SLC10A7: variants seen among roughly 807,000 people sequenced by gnomAD.
The protein encoded by SLC10A7 is solute carrier family 10 member 7.
In SLC10A7, 29 loss-of-function variants were observed where a neutral mutation model predicts 43.2. The ratio of observed to expected loss-of-function variants is 0.67; its 90% CI spans 0.50 to 0.92. SLC10A7 has a LOEUF of 0.92. SLC10A7 is among the 40% of genes least tolerant of loss of function. The pLI, the probability that SLC10A7 is intolerant of heterozygous loss-of-function variation, is 0.00. For missense variants in SLC10A7, 295 were observed against 403.2 expected, an observed-to-expected ratio of 0.73 and a Z score of 2.30; for synonymous variants, 152 against 144.8, an observed-to-expected ratio of 1.05 and a Z score of -0.35.
chr4:146,503,759 A>G, intron 4 of SLC10A7, 90 bp downstream of exon 4: 1 of 1,232,894 alleles, frequency 8.1e-7, no homozygotes, highest in Non-Finnish European at 1.2e-6. Flanking sequence ...TTTCTGCAAC[A>G]TCAACCCTTC....
intron 8 of SLC10A7, among the ~76,000 whole-genome samples, chr4:146,293,187 A>G (rs953452915): frequency 6.6e-6 from 1 of 152,218 alleles, no homozygotes; most frequent in African/African-American, 2.4e-5. Context: ...CCCCAGAAAC[A>G]GTCTTTGTTA....
chr4:146,451,231 C>CAAAAAAAAAAAAAAAAAAAAAAAA (rs572993886), intron 4 of SLC10A7, among the ~76,000 whole-genome samples: 2 of 71,692 alleles, frequency 2.8e-5, no homozygotes, highest in Non-Finnish European at 5.5e-5. Flanking sequence ...AGTCTCCCAC[C>CAAAAAAAAAAAAAAAAAAAAAAAA]AAAAAAAAAA....
intron 5 of SLC10A7, among the ~76,000 whole-genome samples, chr4:146,367,248 C>CA (rs1454932611): frequency 1.3e-5 from 2 of 151,706 alleles, no homozygotes; most frequent in Admixed American, 6.6e-5. Context: ...CAAAAGGAAA[C>CA]AAAAAAATCT....
chr4:146,328,214 C>T (rs1429739640), intron 5 of SLC10A7, among the ~76,000 whole-genome samples: 2 of 151,148 alleles, frequency 1.3e-5, no homozygotes, highest in African/African-American at 2.4e-5. Flanking sequence ...TTAACCCATC[C>T]CTCCCACCAG....
At chr4:146,269,228 T>G (rs775675239) in intron 10 of SLC10A7, among the ~76,000 whole-genome samples, 1 of 152,192 alleles carries the variant, frequency 6.6e-6, no homozygotes, top group Admixed American at 6.5e-5. Flanking sequence ...ACTCACCAGG[T>G]GCTGACAATG....
At chr4:146,342,985 G>A (rs761539819) in intron 5 of SLC10A7, among the ~76,000 whole-genome samples, 3 of 151,656 alleles carry the variant, frequency 2.0e-5, no homozygotes, top group Non-Finnish European at 2.9e-5. Context: ...ATACAACCCC[G>A]TTTCATAATC....
At chr4:146,495,037 T>C (rs965341622) in intron 4 of SLC10A7, among the ~76,000 whole-genome samples, 2 of 151,942 alleles carry the variant, frequency 1.3e-5, no homozygotes, top group African/African-American at 4.8e-5. Context: ...AGTAGAAGAG[T>C]AGGGGCATAG....
chr4:146,258,578 A>G, intron 11 of SLC10A7, 114 bp downstream of exon 11: 1 of 942,164 alleles, frequency 1.1e-6, no homozygotes, highest in African/African-American at 1.7e-5. Flanking sequence ...GTAAGAAAAT[A>G]TGTACTTGAA....
At chr4:146,297,170 C>T (rs1054120740) in intron 7 of SLC10A7, among the ~76,000 whole-genome samples, 1 of 152,070 alleles carries the variant, frequency 6.6e-6, no homozygotes, top group African/African-American at 2.4e-5. Context: ...GAAATGTAGG[C>T]GTTCAAAATT....
At chr4:146,452,334 G>A (rs1230437037) in intron 4 of SLC10A7, among the ~76,000 whole-genome samples, 3 of 151,990 alleles carry the variant, frequency 2.0e-5, no homozygotes, top group African/African-American at 4.8e-5. Flanking sequence ...GCTTTGATTC[G>A]CAGGAAGGAG....
intron 10 of SLC10A7, among the ~76,000 whole-genome samples, chr4:146,273,469 G>C (rs1729016917): frequency 1.3e-5 from 2 of 152,044 alleles, no homozygotes; most frequent in African/African-American, 4.8e-5. Context: ...ACCCCCCTCA[G>C]TTTCCACATC....
At chr4:146,387,384 T>C (rs904757470) in intron 5 of SLC10A7, among the ~76,000 whole-genome samples, 1 of 152,136 alleles carries the variant, frequency 6.6e-6, no homozygotes, top group South Asian at 2.1e-4. Flanking sequence ...ATCATCTCAA[T>C]AGACATAGAA....
At chr4:146,297,315 A>T (rs1321271023) in intron 7 of SLC10A7, among the ~76,000 whole-genome samples, 7 of 152,258 alleles carry the variant, frequency 4.6e-5, no homozygotes, top group Non-Finnish European at 1.0e-4. Context: ...AAATAGCAGG[A>T]AAGGGTAAAG....
chr4:146,295,647 G>A (rs1286633039), intron 7 of SLC10A7, among the ~76,000 whole-genome samples: 2 of 152,062 alleles, frequency 1.3e-5, no homozygotes, highest in African/African-American at 4.8e-5. Flanking sequence ...ATGTCACTAG[G>A]GTTGGTGGGT....
At chr4:146,444,018 T>C (rs13105153) in intron 4 of SLC10A7, among the ~76,000 whole-genome samples, 123,149 of 152,150 alleles carry the variant, frequency 0.81, 50,404 homozygotes, top group South Asian at 0.91. Flanking sequence ...CTGGGTTGTA[T>C]GGGGAGCAGT....
In SLC10A7 at chr4:146,488,134, T is replaced by C. The variant is rs75312060; in HGVS notation, c.396+15715A>G. Among the ~76,000 whole-genome samples the C allele has an allele frequency of 1.2e-3, 187 of 152,118 alleles. 1 individual carries two copies. The South Asian group carries it at 0.024, about 19-fold the overall frequency. On this transcript the variant is annotated intron_variant, in intron 4 of 11. Coordinates refer to ENST00000335472, the MANE Select transcript of SLC10A7 (RefSeq NM_001029998.6). ...TGAATCTGGGAGGTCAAGGCTGCAG[T>C]GAGCCACGATCATACCACTGTACTT...
intron 4 of SLC10A7, among the ~76,000 whole-genome samples, chr4:146,483,608 T>C (rs1233412442): frequency 6.6e-6 from 1 of 151,850 alleles, no homozygotes; most frequent in Non-Finnish European, 1.5e-5. Context: ...TAATAGTAAG[T>C]CCTTACCTAT....
chr4:146,399,145 C>G (rs764817079), intron 5 of SLC10A7, among the ~76,000 whole-genome samples: 5 of 152,020 alleles, frequency 3.3e-5, no homozygotes, highest in Admixed American at 3.3e-4. Context: ...TAGTGAAGAT[C>G]GGAGGAAAGA....
chr4:146,283,277 A>G lies in SLC10A7; in HGVS notation c.774-12T>C, dbSNP rs368413767. ...AACCCGAATTATTCCTAGGGGCAAA[A>G]AAAGATTTTGACAAATACTTTTATA... is the stretch of plus-strand genomic sequence containing the variant. On this transcript the variant is annotated splice_polypyrimidine_tract_variant and intron_variant, in intron 9 of 11. Transcript: ENST00000335472. The G allele has an allele frequency of 2.5e-6, 4 of 1,611,698 alleles. No homozygotes were observed. In the African/African-American group the frequency reaches 5.3e-5, roughly 22 times the overall value.
Sources: allele counts gnomAD v4.1 joint callset (sites outside exome capture counted in the v4.1 genomes callset), GRCh38; gene constraint gnomAD v4.1.1; transcripts MANE v1.5; gene names NCBI Gene and HGNC (gene_info 2026-07-23, HGNC 2026-07-21).